The following HYAL4 variants were observed in gnomAD, a reference collection of about 807,000 sequenced individuals.
The protein encoded by HYAL4 is hyaluronidase-4.
HYAL4 carries 37 observed loss-of-function variants against 35.2 expected under a neutral mutation model. The ratio of observed to expected loss-of-function variants is 1.05; its 90% confidence interval spans 0.81 to 1.38. The LOEUF is 1.38. HYAL4 is among the 40% of genes most tolerant of loss of function. The pLI, the probability that HYAL4 is intolerant of heterozygous loss-of-function variation, is 0.00. For synonymous variants in HYAL4, 198 were observed against 203.2 expected (o/e 0.97, Z 0.22); for missense variants, 572 against 572.4 (o/e 1.00, Z 0.01).
chr7:123,862,339 G>A (rs902825697), intron 2 of HYAL4, among the ~76,000 whole-genome samples: 3 of 152,122 alleles, frequency 2.0e-5, no homozygotes, highest in Non-Finnish European at 4.4e-5. Context: ...AACTCTCACG[G>A]TTTTAGGAGC....
chr7:123,869,228 G>A lies in HYAL4; in HGVS notation c.954+1G>A. On this transcript the variant is annotated splice_donor_variant, in intron 3 of 4. Transcript: ENST00000223026. LOFTEE classifies it high-confidence loss of function. ...TGAACCTTTATTTTTCCTTTCTAAG[G>A]TAAGAAGCTTCTTGTCCAATGGTGG... 1 of 1,571,110 alleles carries A rather than the reference G, an allele frequency of 6.4e-7. No individual in the cohort carries two copies. The highest frequency in any genetic ancestry group is 8.7e-7 in the Non-Finnish European group (1 of 1,155,664).
chr7:123,857,677 C>CTTTGTTTCTTTCTTTG (rs1400897639), intron 2 of HYAL4, among the ~76,000 whole-genome samples: 32 of 78,914 alleles, frequency 4.1e-4, no homozygotes, highest in African/African-American at 1.2e-3. Flanking sequence ...TTGTTTCTTT[C>CTTTGTTTCTTTCTTTG]TTTCTTTCTT....
chr7:123,775,311 A>G, the HYAL4 span, among the ~76,000 whole-genome samples: 9 of 152,070 alleles, frequency 5.9e-5, no homozygotes, highest in Non-Finnish European at 1.2e-4. Flanking sequence ...TGCCTATAGT[A>G]CTAGCTACTC....
intron 3 of HYAL4, among the ~76,000 whole-genome samples, chr7:123,870,454 C>T (rs1198212381): frequency 1.3e-5 from 2 of 152,016 alleles, no homozygotes; most frequent in African/African-American, 2.4e-5. Context: ...AAGTCAGTAC[C>T]GTCTGAAAGG....
At chr7:123,805,022 G>C in the HYAL4 span, among the ~76,000 whole-genome samples, 3 of 152,146 alleles carry the variant, frequency 2.0e-5, no homozygotes, top group East Asian at 3.9e-4. Flanking sequence ...TCTTCCCCAG[G>C]TGGTTTGGAA....
At chr7:123,772,823 G>T in the HYAL4 span, among the ~76,000 whole-genome samples, 15 of 152,196 alleles carry the variant, frequency 9.9e-5, no homozygotes, top group Admixed American at 9.8e-4. Flanking sequence ...AGGAAGTGGG[G>T]TGGGGCTGAA....
At chr7:123,768,653 T>C in the HYAL4 span, among the ~76,000 whole-genome samples, 1 of 152,204 alleles carries the variant, frequency 6.6e-6, no homozygotes, top group Non-Finnish European at 1.5e-5. Context: ...ACATCTCCTG[T>C]TGCATGTAAT....
At chr7:123,782,199 T>A in the HYAL4 span, among the ~76,000 whole-genome samples, 1 of 152,180 alleles carries the variant, frequency 6.6e-6, no homozygotes, top group African/African-American at 2.4e-5. Flanking sequence ...ACATATATGA[T>A]CCTAGTATTT....
At chr7:123,840,446 C>T (rs1806036166), upstream of HYAL4, among the ~76,000 whole-genome samples, 1 of 152,026 alleles carries the variant, frequency 6.6e-6, no homozygotes, top group Non-Finnish European at 1.5e-5. Context: ...GTTCTTTTTG[C>T]TTAGGATTGT....
the HYAL4 span, among the ~76,000 whole-genome samples, chr7:123,789,586 G>T: frequency 6.6e-6 from 1 of 152,050 alleles, no homozygotes; most frequent in Non-Finnish European, 1.5e-5. Context: ...TCTGTTATTT[G>T]CTACTTCATA....
At chr7:123,799,712 G>A in the HYAL4 span, among the ~76,000 whole-genome samples, 1 of 151,824 alleles carries the variant, frequency 6.6e-6, no homozygotes, top group Non-Finnish European at 1.5e-5. Context: ...ACTCATTTTG[G>A]TTCCATGTTT....
chr7:123,832,476 ATACTTTTTTTTTTTTTTTTTTTTTTTT>A (rs1267233808), intron 1 of HYAL4, among the ~76,000 whole-genome samples: 2,110 of 58,476 alleles, frequency 0.036, 130 homozygotes, highest in African/African-American at 0.13. Flanking sequence ...CTATTGTGTC[ATACTTTTTTTTTTTTTTTTTTTTTTTT>A]TTTTTTTTTT....
the HYAL4 span, among the ~76,000 whole-genome samples, chr7:123,773,370 T>C: frequency 2.0e-4 from 30 of 152,222 alleles, no homozygotes; most frequent in Admixed American, 4.6e-4. Flanking sequence ...ATAATAAGTA[T>C]TCTTTGTTAT....
chr7:123,764,879 T>C, the HYAL4 span, among the ~76,000 whole-genome samples: 2 of 152,182 alleles, frequency 1.3e-5, no homozygotes, highest in South Asian at 2.1e-4. Context: ...TGGACACTCT[T>C]GATCCATAAC....
rs372878173 is a variant in HYAL4, at chr7:123,874,878, A to G, written c.1044+28A>G. ...AAGTCAGTATCTTGAAGGTATATTT[A>G]ATGTTTTCTATTAAAAGTATTTCTC... is the stretch of plus-strand genomic sequence containing the variant. On this transcript the variant is annotated intron_variant, in intron 4 of 4. Coordinates refer to ENST00000223026, the MANE Select transcript of HYAL4 (RefSeq NM_012269.3). The G allele has an allele frequency of 1.5e-5, 19 of 1,248,018 alleles. No homozygotes were observed. The African/African-American group carries it at 2.1e-4, about 14-fold the overall frequency. The allele number at this position is 1,248,018 out of a possible 1,614,324, so 77.3% of individuals were successfully genotyped here.
the HYAL4 span, among the ~76,000 whole-genome samples, chr7:123,801,931 A>C: frequency 3.9e-5 from 6 of 152,120 alleles, no homozygotes; most frequent in Non-Finnish European, 5.9e-5. Context: ...AGGGCAGTGC[A>C]TTTTTTTCCC....
upstream of HYAL4, among the ~76,000 whole-genome samples, chr7:123,841,200 G>T (rs1806051836): frequency 6.6e-6 from 1 of 151,890 alleles, no homozygotes; most frequent in Non-Finnish European, 1.5e-5. Flanking sequence ...AGCATGAAGG[G>T]CTGTTGAATT....
At chr7:123,842,662 T>C (rs1485717349), upstream of HYAL4, among the ~76,000 whole-genome samples, 1 of 152,048 alleles carries the variant, frequency 6.6e-6, no homozygotes, top group East Asian at 1.9e-4. Flanking sequence ...AAGGACTTGC[T>C]TTATGAATCT....
intron 3 of HYAL4, among the ~76,000 whole-genome samples, chr7:123,870,685 G>A (rs1333348629): frequency 6.6e-6 from 1 of 151,580 alleles, no homozygotes; most frequent in African/African-American, 2.4e-5. Context: ...GCTTGAACTC[G>A]GGAGGCAGAG....
Sources: gnomAD v4.1 joint callset for allele counts (sites outside exome capture counted in the v4.1 genomes callset) on GRCh38, gnomAD v4.1.1 for gene constraint, MANE v1.5 for transcripts, NCBI Gene and HGNC (gene_info 2026-07-23, HGNC 2026-07-21) for gene names.